CTPS2: variants seen among roughly 807,000 people sequenced by gnomAD.
CTPS2 encodes the protein CTP synthase 2, also known as CTP synthase II.
CTPS2 carries 19 observed loss-of-function variants against 46.8 expected under a neutral mutation model. The observed-to-expected ratio is 0.41, with a 90% CI of 0.28 to 0.60. The LOEUF (loss-of-function observed/expected upper bound fraction) is 0.60, where lower values mean the gene tolerates loss of function less well. Ranked by LOEUF, CTPS2 falls within the 20% of genes least tolerant of loss-of-function variation. The pLI, the probability that CTPS2 is intolerant of heterozygous loss-of-function variation, is 0.35. For synonymous variants in CTPS2, 151 were observed against 165.2 expected, an observed-to-expected ratio of 0.91 and a Z score of 0.66; for missense variants, 286 against 447.6, an observed-to-expected ratio of 0.64 and a Z score of 3.26.
At chrX:16,613,791 A>G (rs1930384600) in intron 16 of CTPS2, among the ~76,000 whole-genome samples, 1 of 111,143 alleles carries the variant, frequency 9.0e-6, no homozygotes, top group African/African-American at 3.3e-5. Context: ...GGATCTCACT[A>G]TGTTGCCCAC....
chrX:16,642,957 G>T (rs1258132472), intron 13 of CTPS2, among the ~76,000 whole-genome samples: 4 of 111,912 alleles, frequency 3.6e-5, no homozygotes, highest in Non-Finnish European at 7.5e-5. Context: ...CTAAATACTG[G>T]CTGTCATCTG....
intron 17 of CTPS2, among the ~76,000 whole-genome samples, chrX:16,606,971 C>T (rs144293559): frequency 0.012 from 1,377 of 112,077 alleles, 16 homozygotes; most frequent in African/African-American, 0.042. Context: ...AGGCTGGTCT[C>T]GAACTCCTGA....
At chrX:16,705,275 T>C (rs1924907413) in intron 1 of CTPS2, among the ~76,000 whole-genome samples, 1 of 112,223 alleles carries the variant, frequency 8.9e-6, no homozygotes, top group Non-Finnish European at 1.9e-5. Context: ...TTACAACTCA[T>C]CTAGCTCACA....
At chrX:16,676,007 C>T (rs949949196) in intron 10 of CTPS2, among the ~76,000 whole-genome samples, 4 of 112,445 alleles carry the variant, frequency 3.6e-5, no homozygotes, top group Admixed American at 1.9e-4. Flanking sequence ...AAGTATACTC[C>T]TGTGAACAAA....
At chrX:16,682,355 G>A (rs1922815910) in intron 9 of CTPS2, among the ~76,000 whole-genome samples, 1 of 111,674 alleles carries the variant, frequency 9.0e-6, no homozygotes, top group Non-Finnish European at 1.9e-5. Context: ...CATGGTGGCG[G>A]GAGTCTGTAA....
At chrX:16,667,843 A>C (rs1921327611) in intron 11 of CTPS2, 119 bp from the exon 12 acceptor site, 8 of 625,665 alleles carry the variant, frequency 1.3e-5, no homozygotes, top group Non-Finnish European at 1.8e-5. Context: ...AGAGAGCAAG[A>C]CTCTGCCTGT....
intron 17 of CTPS2, among the ~76,000 whole-genome samples, chrX:16,606,360 C>T (rs1305530169): frequency 1.8e-5 from 2 of 111,941 alleles, no homozygotes; most frequent in East Asian, 5.6e-4. Context: ...TCTCATGGAG[C>T]TGGGCAGAGA....
At chrX:16,664,273 G>T (rs1379469503) in intron 13 of CTPS2, among the ~76,000 whole-genome samples, 1 of 112,285 alleles carries the variant, frequency 8.9e-6, no homozygotes, top group Non-Finnish European at 1.9e-5. Flanking sequence ...TCTTAGAAAA[G>T]AAAACCCATA....
intron 9 of CTPS2, among the ~76,000 whole-genome samples, chrX:16,682,854 G>T (rs750694536): frequency 3.9e-4 from 44 of 112,014 alleles, no homozygotes; most frequent in African/African-American, 1.4e-3. Context: ...AGAAGCTTGC[G>T]CCTGGTTACT....
At chrX:16,642,764 A>G (rs1208593554) in intron 13 of CTPS2, among the ~76,000 whole-genome samples, 2 of 112,435 alleles carry the variant, frequency 1.8e-5, no homozygotes, top group Non-Finnish European at 1.9e-5. Context: ...AGCCTGAGAG[A>G]CAGGAGAACA....
chrX:16,689,309 G>T, intron 8 of CTPS2, 141 bp downstream of exon 8: 3 of 516,151 alleles, frequency 5.8e-6, no homozygotes, highest in South Asian at 4.0e-5. Flanking sequence ...GCAACAGTAT[G>T]CTCCATCTTT....
intron 13 of CTPS2, among the ~76,000 whole-genome samples, chrX:16,656,463 G>A (rs1302017258): frequency 9.2e-6 from 1 of 108,478 alleles, no homozygotes; most frequent in East Asian, 2.9e-4. Context: ...AGGCTGGAGT[G>A]CAGTGGCGCC....
At chrX:16,590,888 G>A (rs755681549) in intron 17 of CTPS2, 26 bp from the exon 18 acceptor site, 1 of 1,080,389 alleles carries the variant, frequency 9.3e-7, no homozygotes, top group East Asian at 3.0e-5. Flanking sequence ...AACTAATTTA[G>A]CAAGGTATAA....
intron 8 of CTPS2, among the ~76,000 whole-genome samples, chrX:16,688,909 CAT>C (rs200258121): frequency 0.033 from 3,559 of 107,628 alleles, 140 homozygotes; most frequent in African/African-American, 0.11. Context: ...GTGTGGGTAA[CAT>C]AGAAAAATCC....
At chrX:16,693,924 T>C (rs1324161227) in intron 4 of CTPS2, among the ~76,000 whole-genome samples, 1 of 112,134 alleles carries the variant, frequency 8.9e-6, no homozygotes, top group Non-Finnish European at 1.9e-5. Context: ...CCCAGCACTT[T>C]GGGAGGCCGA....
chrX:16,635,841 T>A (rs1254149199), intron 14 of CTPS2, among the ~76,000 whole-genome samples: 1 of 111,757 alleles, frequency 8.9e-6, no homozygotes, highest in Non-Finnish European at 1.9e-5. Flanking sequence ...AGTTCATATA[T>A]CACATACTTC....
chrX:16,589,854 T>C (rs774880290), intron 18 of CTPS2, 79 bp from the exon 19 acceptor site: 7 of 112,723 alleles, frequency 6.2e-5, no homozygotes, highest in Non-Finnish European at 1.3e-4. Flanking sequence ...AGCTAACCTT[T>C]GCACCATTTT....
At chrX:16,694,864 C>T (rs754308634) in intron 4 of CTPS2, among the ~76,000 whole-genome samples, 3 of 111,686 alleles carry the variant, frequency 2.7e-5, no homozygotes, top group Non-Finnish European at 5.7e-5. Context: ...CATGGCGGCA[C>T]GGCGCCTATG....
Position 16,651,266 on chromosome X carries a change from T to A in CTPS2, c.1297-12023A>T, listed in dbSNP as rs1932616173. On this transcript the variant is annotated intron_variant, in intron 13 of 18. Transcript: ENST00000359276. ...TGAGGGAGGACACATGCAGGTGGGGTTTCTTCCCCTTAAGTCAGGCCACAT... is the reference window on the plus strand; with the variant it reads ...TGAGGGAGGACACATGCAGGTGGGGATTCTTCCCCTTAAGTCAGGCCACAT... The A allele has an allele frequency of 8.1e-6, 5 of 619,573 alleles. No homozygotes were observed. The Admixed American group carries it at 1.0e-4, about 12-fold the overall frequency. The allele number at this position is 619,573 out of a possible 1,213,427, so 51.1% of individuals were successfully genotyped here.
Sources: allele counts gnomAD v4.1 joint callset (sites outside exome capture counted in the v4.1 genomes callset), GRCh38; gene constraint gnomAD v4.1.1; transcripts MANE v1.5; gene names NCBI Gene and HGNC (gene_info 2026-07-23, HGNC 2026-07-21).